The following PCDH9 variants were observed in gnomAD, a reference collection of about 807,000 sequenced individuals.
The protein encoded by PCDH9 is protocadherin-9.
Under a neutral mutation model 70.6 loss-of-function variants are expected in PCDH9, and 24 were observed. The ratio of observed to expected loss-of-function variants is 0.34; its 90% CI spans 0.25 to 0.48. The LOEUF (loss-of-function observed/expected upper bound fraction) is 0.48, where lower values mean the gene tolerates loss of function less well. Ranked by LOEUF, PCDH9 falls within the 20% of genes least tolerant of loss-of-function variation. The pLI is 0.99. For missense variants in PCDH9, 1,281 were observed against 1,503.6 expected, an observed-to-expected ratio of 0.85 and a Z score of 2.45; for synonymous variants, 562 against 558.5, an observed-to-expected ratio of 1.01 and a Z score of -0.09.
At chr13:66,347,003 A>T (rs906543295) in intron 4 of PCDH9, among the ~76,000 whole-genome samples, 1 of 152,166 alleles carries the variant, frequency 6.6e-6, no homozygotes, top group Non-Finnish European at 1.5e-5. Context: ...GATTATGGGG[A>T]TATATTAACT....
intron 2 of PCDH9, among the ~76,000 whole-genome samples, chr13:66,993,262 A>T (rs1375539563): frequency 6.6e-6 from 1 of 152,198 alleles, no homozygotes; most frequent in Admixed American, 6.5e-5. Context: ...AAAACAATTA[A>T]CCAAGAAAAT....
rs34514187 is a variant in PCDH9, at chr13:67,140,025, A to ACCCCCCCCC, written c.3036+85371_3036+85379dup. Among the ~76,000 whole-genome samples the ACCCCCCCCC allele has an allele frequency of 4.5e-3, 297 of 65,978 alleles. 3 individuals carry two copies. The highest frequency in any genetic ancestry group is 5.9e-3 in the Non-Finnish European group (211 of 35,722). 43.3% of individuals were successfully genotyped at this position (65,978 alleles called of 152,430 possible). ...CTACTGAAAATGTGATTTTTTGATC[A>ACCCCCCCCC]CCCCCCCCCCCCCGCCCATTGTGTT... On this transcript the variant is annotated intron_variant, in intron 2 of 4. Coordinates refer to ENST00000377865, the MANE Select transcript of PCDH9 (RefSeq NM_203487.3).
intron 2 of PCDH9, among the ~76,000 whole-genome samples, chr13:66,992,914 A>G (rs2084033283): frequency 6.6e-6 from 1 of 152,126 alleles, no homozygotes; most frequent in African/African-American, 2.4e-5. Flanking sequence ...AAAAAAAAAA[A>G]AAAGATCCTG....
intron 4 of PCDH9, among the ~76,000 whole-genome samples, chr13:66,362,481 TAAAAATGTGTGAC>T (rs1398733250): frequency 2.6e-5 from 4 of 152,174 alleles, no homozygotes; most frequent in Non-Finnish European, 5.9e-5. Flanking sequence ...AAGTCATTGA[TAAAAATGTGTGAC>T]TCACACATTT....
chr13:67,155,474 A>G (rs1418621430), intron 2 of PCDH9, among the ~76,000 whole-genome samples: 2 of 152,236 alleles, frequency 1.3e-5, no homozygotes, highest in African/African-American at 4.8e-5. Context: ...AAATTGGATC[A>G]TAACCTTAAA....
chr13:66,438,920 T>C (rs1041642437), intron 4 of PCDH9, among the ~76,000 whole-genome samples: 3 of 152,164 alleles, frequency 2.0e-5, no homozygotes, highest in Non-Finnish European at 2.9e-5. Flanking sequence ...GCAAAGATGA[T>C]AGGAAAGGAT....
intron 4 of PCDH9, among the ~76,000 whole-genome samples, chr13:66,368,039 A>C (rs1469504782): frequency 6.6e-6 from 1 of 152,150 alleles, no homozygotes; most frequent in Non-Finnish European, 1.5e-5. Context: ...CATTTAAGTG[A>C]GGACTTTGAT....
In PCDH9 at chr13:67,002,159, A is replaced by G. The variant is rs184031421; in HGVS notation, c.3037-98554T>C. Among the ~76,000 whole-genome samples, 91 of 152,312 alleles carry G rather than the reference A, an allele frequency of 6.0e-4. No individual in the cohort carries two copies. The Middle Eastern group carries it at 0.01, about 17-fold the overall frequency. On this transcript the variant is annotated intron_variant, in intron 2 of 4. Transcript: ENST00000377865. ...AATATTTGGTTTTATGTAAAGCCAC[A>G]CCATTAATTGTTAAAATATAGAAAG...
intron 3 of PCDH9, among the ~76,000 whole-genome samples, chr13:66,884,469 A>G (rs758542272): frequency 1.6e-4 from 25 of 152,270 alleles, no homozygotes; most frequent in Non-Finnish European, 3.2e-4. Context: ...GAATCTTGTG[A>G]GTTAGGCTGA....
At chr13:66,364,096 A>T (rs1412743427) in intron 4 of PCDH9, among the ~76,000 whole-genome samples, 2 of 152,086 alleles carry the variant, frequency 1.3e-5, no homozygotes, top group Non-Finnish European at 2.9e-5. Context: ...CGGTGGTTGC[A>T]GTGAGCCAAG....
At chr13:66,764,663 G>C (rs916748456) in intron 3 of PCDH9, among the ~76,000 whole-genome samples, 1 of 151,998 alleles carries the variant, frequency 6.6e-6, no homozygotes, top group Non-Finnish European at 1.5e-5. Flanking sequence ...CTATGGAATA[G>C]AGTTTGAAGT....
At chr13:66,423,366 C>CAA (rs140963895) in intron 4 of PCDH9, among the ~76,000 whole-genome samples, 111 of 138,582 alleles carry the variant, frequency 8.0e-4, no homozygotes, top group East Asian at 1.4e-3. Flanking sequence ...AGAGACACAG[C>CAA]AAAAAAAAAA....
intron 2 of PCDH9, among the ~76,000 whole-genome samples, chr13:67,037,729 A>G (rs754794517): frequency 1.8e-4 from 28 of 152,184 alleles, no homozygotes; most frequent in Non-Finnish European, 3.5e-4. Flanking sequence ...TTCTGGCACC[A>G]AGAGTACTGA....
intron 2 of PCDH9, among the ~76,000 whole-genome samples, chr13:67,144,259 T>C (rs7993582): frequency 6.6e-6 from 1 of 152,174 alleles, no homozygotes; most frequent in Non-Finnish European, 1.5e-5. Context: ...GGAAAGGTTT[T>C]AAAATGAAAG....
chr13:67,011,596 G>T (rs764098374), intron 2 of PCDH9, among the ~76,000 whole-genome samples: 1 of 151,740 alleles, frequency 6.6e-6, no homozygotes, highest in Non-Finnish European at 1.5e-5. Context: ...TGTCCCATAT[G>T]AAACATCACT....
chr13:66,645,992 A>T (rs1232984210), intron 3 of PCDH9, among the ~76,000 whole-genome samples: 3 of 152,232 alleles, frequency 2.0e-5, no homozygotes, highest in Non-Finnish European at 4.4e-5. Flanking sequence ...TCAAAGTCCC[A>T]CTAGCTTATA....
chr13:66,665,108 CCT>C (rs1491322074), intron 3 of PCDH9, among the ~76,000 whole-genome samples: 10 of 147,384 alleles, frequency 6.8e-5, no homozygotes, highest in Admixed American at 1.3e-4. Flanking sequence ...TCTTTTCTCT[CCT>C]TTTTTTTTTT....
Position 66,516,733 on chromosome 13 carries a change from C to T in PCDH9, c.3340+114477G>A, listed in dbSNP as rs145380038. ...CATCCGAAATCTCTCTCTCTCTCTC[C>T]CTCACTCTCTCTTTCTCTCTGTGTC... On this transcript the variant is annotated intron_variant, in intron 4 of 4. Transcript: ENST00000377865. Among the ~76,000 whole-genome samples, 710 of 151,720 alleles carry T rather than the reference C, an allele frequency of 4.7e-3. 31 individuals are homozygous for T. The East Asian group carries it at 0.091, about 20-fold the overall frequency.
At chr13:67,155,503 T>C (rs1000708867) in intron 2 of PCDH9, among the ~76,000 whole-genome samples, 5 of 152,202 alleles carry the variant, frequency 3.3e-5, no homozygotes, top group Admixed American at 2.0e-4. Flanking sequence ...ATCAAACTTA[T>C]GAAAAACAAC....
Sources: gnomAD v4.1 joint callset for allele counts (sites outside exome capture counted in the v4.1 genomes callset) on GRCh38, gnomAD v4.1.1 for gene constraint, MANE v1.5 for transcripts, NCBI Gene and HGNC (gene_info 2026-07-23, HGNC 2026-07-21) for gene names.